CARS1: variants seen among roughly 807,000 people sequenced by gnomAD.
CARS1 encodes the protein cysteinyl-tRNA synthetase 1.
In CARS1, 48 loss-of-function variants were observed where a neutral mutation model predicts 106.2. The observed-to-expected ratio is 0.45, with a 90% CI of 0.36 to 0.57. The LOEUF (loss-of-function observed/expected upper bound fraction) is 0.57. CARS1 is among the 20% of genes least tolerant of loss of function. CARS1 has a pLI of 0.00. For synonymous variants in CARS1, 409 were observed against 403.4 expected, an observed-to-expected ratio of 1.01 and a Z score of -0.17; for missense variants, 968 against 1,057.2, an observed-to-expected ratio of 0.92 and a Z score of 1.17.
At position 3,019,758 on chromosome 11, in the gene CARS1, C is replaced by T. The variant is rs1207563615; in HGVS notation, c.1266+462G>A. ...GCCTTCTTTGGTGAAGTTCATAAAC[C>T]GGTCCTATGTGGGCCGAGGTTTAGG... On this transcript the variant is annotated intron_variant, in intron 11 of 22. Coordinates refer to ENST00000380525, the MANE Select transcript of CARS1 (RefSeq NM_001014437.3). The surrounding 1 kb of genome is among the most constrained non-coding windows in gnomAD (Gnocchi z 6.2). Among the ~76,000 whole-genome samples, 5 of 152,082 alleles carry T rather than the reference C, an allele frequency of 3.3e-5. No individual in the cohort carries two copies. The highest frequency in any genetic ancestry group is 5.9e-5 in the Non-Finnish European group (4 of 67,988).
At position 3,037,452 on chromosome 11, in the gene CARS1, G is replaced by A. The variant is rs1027552878; in HGVS notation, c.801+598C>T. Among the ~76,000 whole-genome samples the A allele has an allele frequency of 6.6e-6, 1 of 152,226 alleles. No homozygotes were observed. Among genetic ancestry groups the A allele is most frequent in the Non-Finnish European group, 1.5e-5 (1 of 68,046 alleles). ...CTCTTTTCCATCGAGTTCTTAAAGG[G>A]TGACCAGCAGGCGGCGCTGGCACAA... On this transcript the variant is annotated intron_variant, in intron 7 of 22. Transcript: ENST00000380525. This position sits in a 1 kb window ranked among gnomAD's most constrained non-coding sequence, Gnocchi z 5.9.
chr11:3,038,230 A>G lies in CARS1; in HGVS notation c.652-31T>C. The G allele has an allele frequency of 6.2e-7, 1 of 1,601,820 alleles. No individual in the cohort carries two copies. Among genetic ancestry groups the G allele is most frequent in the Non-Finnish European group, 8.5e-7 (1 of 1,169,758 alleles). The stretch of plus-strand genomic sequence containing the variant: ...ACCATAAAGAGACGTCAAATCTATT[A>G]GATACTGCTCAGCAAAACCTAAATT... On this transcript the variant is annotated intron_variant, in intron 6 of 22. Transcript: ENST00000380525. This position sits in a 1 kb window ranked among gnomAD's most constrained non-coding sequence, Gnocchi z 4.0.
At chr11:3,054,070 GGA>G (rs1473696694) in intron 1 of CARS1, among the ~76,000 whole-genome samples, 1 of 152,130 alleles carries the variant, frequency 6.6e-6, no homozygotes, top group Non-Finnish European at 1.5e-5. Context: ...ATCGTGGGGA[GGA>G]GAGAGGGGCA....
intron 18 of CARS1, among the ~76,000 whole-genome samples, chr11:3,010,890 GCC>G (rs974072489): frequency 6.6e-6 from 1 of 152,216 alleles, no homozygotes; most frequent in South Asian, 2.1e-4. Flanking sequence ...CCTGGATGCT[GCC>G]CCACTGTGAC....
chr11:3,018,133 G>T, intron 14 of CARS1, 179 bp from the exon 15 acceptor site: 1 of 617,358 alleles, frequency 1.6e-6, no homozygotes, highest in Non-Finnish European at 2.8e-6. Flanking sequence ...TCTTGCTTTA[G>T]GTTTACAGAT....
At chr11:3,014,644 C>T (rs1850812490) in intron 17 of CARS1, among the ~76,000 whole-genome samples, 2 of 149,144 alleles carry the variant, frequency 1.3e-5, no homozygotes, top group Non-Finnish European at 3.0e-5. Flanking sequence ...AACAAAGAAG[C>T]TATGTGGGTT....
In CARS1 at chr11:3,041,110, TTTGTTTTACTGTG is replaced by T; in HGVS notation, c.367-139_367-127del. The T allele has an allele frequency of 6.7e-7, 1 of 1,481,798 alleles. No individual in the cohort carries two copies. Among genetic ancestry groups the T allele is most frequent in the African/African-American group, 1.4e-5 (1 of 71,060 alleles). The allele number at this position is 1,481,798 out of a possible 1,614,324, so 91.8% of individuals were successfully genotyped here. A position where few individuals can be genotyped will look rare whatever the true frequency, so the allele number is the denominator to read the frequency against. On this transcript the variant is annotated intron_variant, in intron 3 of 22. Transcript: ENST00000380525. The surrounding 1 kb of genome is among the most constrained non-coding windows in gnomAD (Gnocchi z 4.9). ...GTGTAAACAATTCAACAGAGACCAT[TTTGTTTTACTGTG>T]AAAAGTCACAGTCTCAGTGGGAGCC...
In CARS1 at chr11:3,022,372, C is replaced by T. The variant is rs1342005060; in HGVS notation, c.1154-2040G>A. On this transcript the variant is annotated intron_variant, in intron 10 of 22. Transcript: ENST00000380525. The surrounding 1 kb of genome is among the most constrained non-coding windows in gnomAD (Gnocchi z 4.9). ...TGTCCCATGACTTCGCCCCTCACTT[C>T]CCCAGCAACCGGCAATCCCCATCAC... 6.6e-6 allele frequency among the ~76,000 whole-genome samples: 1 copy of T among 152,136 alleles called. No homozygotes were observed. Among genetic ancestry groups the T allele is most frequent in the Non-Finnish European group, 1.5e-5 (1 of 68,012 alleles).
rs941041869 is a variant in CARS1 at position 3,040,836 on chromosome 11, A to G, written c.455+60T>C. The stretch of plus-strand genomic sequence containing the variant: ...CCTAAGATCGCTGCTGTGGATCCCA[A>G]TGGCTCTGACTTCTGCGTGCAACTG... On this transcript the variant is annotated intron_variant, in intron 4 of 22. Transcript: ENST00000380525. This position sits in a 1 kb window ranked among gnomAD's most constrained non-coding sequence, Gnocchi z 5.8. 135 of 1,577,132 alleles carry G rather than the reference A, an allele frequency of 8.6e-5. 1 individual carries two copies. In the Admixed American group the frequency reaches 2.2e-3, roughly 26 times the overall value.
chr11:3,038,045 C>T lies in CARS1; in HGVS notation c.801+5G>A, dbSNP rs1853909095. 2.5e-6 allele frequency: 4 copies of T among 1,609,850 alleles called. No individual in the cohort carries two copies. Among genetic ancestry groups the T allele is most frequent in the Non-Finnish European group, 3.4e-6 (4 of 1,176,698 alleles). Reference sequence around the variant, plus strand: ...GGGCTGTCTGGGAGATGTGTGAAGCCTCACCTCCACACAGCTGTTGACTTC... The same window carrying T: ...GGGCTGTCTGGGAGATGTGTGAAGCTTCACCTCCACACAGCTGTTGACTTC... On this transcript the variant is annotated splice_donor_5th_base_variant and intron_variant, in intron 7 of 22. Coordinates refer to ENST00000380525, the MANE Select transcript of CARS1 (RefSeq NM_001014437.3). This position sits in a 1 kb window ranked among gnomAD's most constrained non-coding sequence, Gnocchi z 4.0.
chr11:3,027,012 G>A (rs903987720), intron 9 of CARS1: 5 of 520,862 alleles, frequency 9.6e-6, no homozygotes, highest in Admixed American at 3.7e-5. Context: ...GCCCTGGGCA[G>A]CTCGTCCCTC....
At position 3,038,155 on chromosome 11, in the gene CARS1, C is replaced by T; in HGVS notation, c.696G>A (p.Lys232=). The T allele has an allele frequency of 6.2e-7, 1 of 1,614,132 alleles. No individual in the cohort carries two copies. The highest frequency in any genetic ancestry group is 8.5e-7 in the Non-Finnish European group (1 of 1,179,986). The stretch of plus-strand genomic sequence containing the variant: ...CGTGCTGAATCCGTTCGAGCATCTG[C>T]TTTTTATCGGGATCCGTGGTCTCAT... The part of the protein sequence containing the change: ...KLNETTDPDK[K]QMLERIQHAV... The change falls in exon 7 of 23, where the codon AAG becomes AAA. Residue 232 remains lysine, a synonymous_variant. Transcript: ENST00000380525. The surrounding 1 kb of genome is among the most constrained non-coding windows in gnomAD (Gnocchi z 4.0).
chr11:3,027,673 C>G (rs426961), intron 9 of CARS1: 91,899 of 266,688 alleles, frequency 0.34, 18,552 homozygotes, highest in East Asian at 0.61. Context: ...ACAGAGATAG[C>G]AGCTGAGGGG....
In CARS1 at chr11:3,045,703, G is replaced by A. The variant is rs1293393179; in HGVS notation, c.274+2050C>T. On this transcript the variant is annotated intron_variant, in intron 2 of 22. Transcript: ENST00000380525. The surrounding 1 kb of genome is among the most constrained non-coding windows in gnomAD (Gnocchi z 5.6). ...GCTGGGATGTCCAACAGAGGTGGAA[G>A]GGCGAGCAGGAGGAGGGGCACATGG... Among the ~76,000 whole-genome samples the A allele has an allele frequency of 1.3e-5, 2 of 152,244 alleles. No individual in the cohort carries two copies. Among genetic ancestry groups the A allele is most frequent in the Non-Finnish European group, 2.9e-5 (2 of 68,042 alleles).
At chr11:3,023,127 C>T (rs1391860367) in intron 10 of CARS1, among the ~76,000 whole-genome samples, 4 of 152,208 alleles carry the variant, frequency 2.6e-5, no homozygotes, top group South Asian at 2.1e-4. Context: ...GAAAAAGACC[C>T]TAGATGGGGC....
rs1849562192 is a variant in CARS1, at chr11:3,003,292, T to C, written c.2218-692A>G. Among the ~76,000 whole-genome samples the C allele has an allele frequency of 6.6e-6, 1 of 152,190 alleles. No individual in the cohort carries two copies. The highest frequency in any genetic ancestry group is 6.5e-5 in the Admixed American group (1 of 15,280). On this transcript the variant is annotated intron_variant, in intron 20 of 22. Transcript: ENST00000380525. The surrounding 1 kb of genome is among the most constrained non-coding windows in gnomAD (Gnocchi z 4.8). ...AGTTTGGGGAGTTGAAAATCACATTTTCACCTTTCCTTTGGACAGCCTAGG... is the reference window on the plus strand; with the variant it reads ...AGTTTGGGGAGTTGAAAATCACATTCTCACCTTTCCTTTGGACAGCCTAGG...
chr11:3,002,012 C>A lies in CARS1; in HGVS notation c.2319G>T (p.Met773Ile). The change falls in exon 22 of 23, where the codon ATG (methionine) becomes ATT (isoleucine). Residue 773 changes from methionine to isoleucine, a missense_variant. Met to Ile is a conservative substitution (Grantham distance 10, BLOSUM62 1). Coordinates refer to ENST00000380525, the MANE Select transcript of CARS1 (RefSeq NM_001014437.3). ...AGTATTTGTCGGTTTCTGACAAGAA[C>A]ATCTCACTGGGGGGAATCTTCATCT... ...LAKMKIPPSE[M>I]FLSETDKYSK... 6.2e-7 allele frequency: 1 copy of A among 1,613,914 alleles called. No homozygotes were observed.
chr11:3,017,722 G>T lies in CARS1; in HGVS notation c.1727+135C>A. On this transcript the variant is annotated intron_variant, in intron 15 of 22. Coordinates refer to ENST00000380525, the MANE Select transcript of CARS1 (RefSeq NM_001014437.3). This position sits in a 1 kb window ranked among gnomAD's most constrained non-coding sequence, Gnocchi z 4.9. Reference sequence around the variant, plus strand: ...TCCCATTAGCAGAGCCGCCTATCCTGAATTAATTCTGCACAACGTACGACA... The same window carrying T: ...TCCCATTAGCAGAGCCGCCTATCCTTAATTAATTCTGCACAACGTACGACA... 1.6e-6 allele frequency: 1 copy of T among 640,586 alleles called. No homozygotes were observed. Among genetic ancestry groups the T allele is most frequent in the South Asian group, 1.9e-5 (1 of 52,196 alleles). The allele number at this position is 640,586 out of a possible 1,614,324, so 39.7% of individuals were successfully genotyped here.
At position 3,044,107 on chromosome 11, in the gene CARS1, A is replaced by AGG. The variant is rs1002535481; in HGVS notation, c.275-1852_275-1851insCC. Among the ~76,000 whole-genome samples, 68 of 152,232 alleles carry AGG rather than the reference A, an allele frequency of 4.5e-4. No individual in the cohort carries two copies. The highest frequency in any genetic ancestry group is 3.4e-3 in the Middle Eastern group (1 of 294). On this transcript the variant is annotated intron_variant, in intron 2 of 22. Transcript: ENST00000380525. This position sits in a 1 kb window ranked among gnomAD's most constrained non-coding sequence, Gnocchi z 4.4. ...ATCCCATCACTCTCCTCCCTCACAA[A>AGG]GACCCTGGAGCTCCTTCAATAGGAC...
Sources: allele counts gnomAD v4.1 joint callset (sites outside exome capture counted in the v4.1 genomes callset), GRCh38; gene constraint gnomAD v4.1.1; non-coding constraint Gnocchi (gnomAD v3.1); transcripts MANE v1.5; gene names NCBI Gene and HGNC (gene_info 2026-07-23, HGNC 2026-07-21).